C1QTNF3: variants seen among roughly 807,000 people sequenced by gnomAD.
The protein encoded by C1QTNF3 is complement C1q tumor necrosis factor-related protein 3.
A neutral mutation model predicts 32.6 loss-of-function variants in C1QTNF3; 26 were observed. The ratio of observed to expected loss-of-function variants is 0.80; its 90% CI spans 0.58 to 1.11. The LOEUF (loss-of-function observed/expected upper bound fraction) is 1.11. Ranked by LOEUF, C1QTNF3 falls within the 50% of genes least tolerant of loss-of-function variation. The pLI is 0.00. For synonymous variants in C1QTNF3, 155 were observed against 146.0 expected (o/e 1.06, Z -0.44); for missense variants, 362 against 398.2 (o/e 0.91, Z 0.77).
At chr5:34,171,941 T>C in the C1QTNF3 span, among the ~76,000 whole-genome samples, 1 of 152,216 alleles carries the variant, frequency 6.6e-6, no homozygotes, top group East Asian at 1.9e-4. Flanking sequence ...TTCAACCAAG[T>C]ATACAGCACA....
chr5:34,078,304 T>C, the C1QTNF3 span, among the ~76,000 whole-genome samples: 1 of 151,776 alleles, frequency 6.6e-6, no homozygotes, highest in African/African-American at 2.4e-5. The surrounding 1 kb of genome is among the most constrained non-coding windows in gnomAD (Gnocchi z 4.0). Flanking sequence ...AATCCACTTG[T>C]GTTAGTAAAT....
At chr5:34,114,986 A>T in the C1QTNF3 span, among the ~76,000 whole-genome samples, 2 of 152,208 alleles carry the variant, frequency 1.3e-5, no homozygotes, top group Non-Finnish European at 2.9e-5. Context: ...GGTAATAAAA[A>T]TAAAAAAATT....
chr5:34,235,785 T>C, the C1QTNF3 span, among the ~76,000 whole-genome samples: 2 of 152,268 alleles, frequency 1.3e-5, no homozygotes, highest in Admixed American at 6.5e-5. Flanking sequence ...ATTTAGTGGA[T>C]ATGTTTTAGG....
chr5:34,203,581 G>T, the C1QTNF3 span, among the ~76,000 whole-genome samples: 1 of 151,650 alleles, frequency 6.6e-6, no homozygotes, highest in African/African-American at 2.4e-5. Flanking sequence ...ATCTACTTGG[G>T]AGGCTGAAGC....
At chr5:34,162,342 A>C in the C1QTNF3 span, among the ~76,000 whole-genome samples, 1 of 152,182 alleles carries the variant, frequency 6.6e-6, no homozygotes, top group Admixed American at 6.6e-5. Flanking sequence ...CATAATAACT[A>C]ACCCACTCCA....
chr5:34,085,166 G>T, the C1QTNF3 span, among the ~76,000 whole-genome samples: 26 of 140,004 alleles, frequency 1.9e-4, 1 homozygote, highest in African/African-American at 5.8e-4. Flanking sequence ...AATTTTTTGT[G>T]TTTTTTTTTT....
the C1QTNF3 span, among the ~76,000 whole-genome samples, chr5:34,067,508 G>A: frequency 0.07 from 10,620 of 152,136 alleles, 1,185 homozygotes; most frequent in African/African-American, 0.23. Flanking sequence ...CATGAATGGC[G>A]GCAGGCGAAG....
At chr5:34,125,289 C>T in the C1QTNF3 span, among the ~76,000 whole-genome samples, 3 of 151,928 alleles carry the variant, frequency 2.0e-5, no homozygotes, top group African/African-American at 4.8e-5. Context: ...TATAATATTT[C>T]TCCATTTACT....
the C1QTNF3 span, among the ~76,000 whole-genome samples, chr5:34,198,217 G>C: frequency 2.1e-5 from 3 of 144,130 alleles, no homozygotes; most frequent in African/African-American, 8.5e-5. Context: ...ACTCCAGCCT[G>C]GGTAACAGAG....
chr5:34,108,383 A>T, the C1QTNF3 span, among the ~76,000 whole-genome samples: 1 of 152,124 alleles, frequency 6.6e-6, no homozygotes, highest in East Asian at 1.9e-4. Flanking sequence ...GTACACTCTT[A>T]TTTATTGTGC....
chr5:34,211,288 C>A, the C1QTNF3 span, among the ~76,000 whole-genome samples: 1 of 151,796 alleles, frequency 6.6e-6, no homozygotes, highest in Non-Finnish European at 1.5e-5. Flanking sequence ...TTTTACATAT[C>A]CAAGATATAT....
chr5:34,141,700 C>G, the C1QTNF3 span, among the ~76,000 whole-genome samples: 1 of 152,076 alleles, frequency 6.6e-6, no homozygotes, highest in Middle Eastern at 3.2e-3. Context: ...CAGAAGTAGA[C>G]AGCGGAATGG....
chr5:34,047,167 A>G (rs971610510), upstream of C1QTNF3, among the ~76,000 whole-genome samples: 4 of 152,222 alleles, frequency 2.6e-5, no homozygotes, highest in African/African-American at 9.6e-5. Flanking sequence ...TCTGGCTGTG[A>G]AAGTTCACAA....
At chr5:34,158,940 A>C in the C1QTNF3 span, among the ~76,000 whole-genome samples, 1 of 149,262 alleles carries the variant, frequency 6.7e-6, no homozygotes, top group Non-Finnish European at 1.5e-5. Context: ...TTTAGGAGAA[A>C]TATACTTACA....
chr5:34,065,874 G>A, the C1QTNF3 span, among the ~76,000 whole-genome samples: 1 of 152,056 alleles, frequency 6.6e-6, no homozygotes, highest in East Asian at 1.9e-4. Flanking sequence ...AAAGACATGT[G>A]GACTCATATG....
At position 34,018,182 on chromosome 5, in the gene C1QTNF3, A is replaced by T. The variant is rs539399705; in HGVS notation, c.*2401T>A. On this transcript the variant is annotated 3_prime_UTR_variant, in exon 6 of 6. Coordinates refer to ENST00000382065, the MANE Select transcript of C1QTNF3 (RefSeq NM_181435.6). Reference sequence around the variant, plus strand: ...GTAATATTATTTAATATTTGATGGGATGATTAATTTTATACTAAATATTTT... The same window carrying T: ...GTAATATTATTTAATATTTGATGGGTTGATTAATTTTATACTAAATATTTT... Among the ~76,000 whole-genome samples, 2 of 152,086 alleles carry T rather than the reference A, an allele frequency of 1.3e-5. No individual in the cohort carries two copies. Among genetic ancestry groups the T allele is most frequent in the South Asian group, 4.1e-4 (2 of 4,830 alleles).
At chr5:34,217,686 T>C in the C1QTNF3 span, among the ~76,000 whole-genome samples, 6 of 152,144 alleles carry the variant, frequency 3.9e-5, no homozygotes, top group Admixed American at 2.6e-4. Flanking sequence ...GTTGGGATTA[T>C]GTTAGTGAAA....
intron 1 of C1QTNF3, among the ~76,000 whole-genome samples, chr5:34,037,111 AC>A (rs1186397723): frequency 2.0e-5 from 3 of 152,208 alleles, no homozygotes; most frequent in African/African-American, 7.2e-5. Flanking sequence ...AGAGCTAAAG[AC>A]CTAGTGGAAG....
At chr5:34,175,197 C>T in the C1QTNF3 span, among the ~76,000 whole-genome samples, 1 of 152,084 alleles carries the variant, frequency 6.6e-6, no homozygotes, top group Non-Finnish European at 1.5e-5. Context: ...GCACACACCA[C>T]CACACCTAGC....
Sources: gnomAD v4.1 joint callset for allele counts (sites outside exome capture counted in the v4.1 genomes callset) on GRCh38, gnomAD v4.1.1 for gene constraint, Gnocchi (gnomAD v3.1) non-coding constraint, MANE v1.5 for transcripts, NCBI Gene and HGNC (gene_info 2026-07-23, HGNC 2026-07-21) for gene names.